PCBP3: variants seen among roughly 807,000 people sequenced by gnomAD.
PCBP3 encodes the protein poly(rC) binding protein 3.
In PCBP3, 25 loss-of-function variants were observed where a neutral mutation model predicts 52.7. That is an observed-to-expected ratio of 0.47 (90% CI 0.35 to 0.66). The LOEUF (loss-of-function observed/expected upper bound fraction) is 0.66. PCBP3 is among the 30% of genes least tolerant of loss of function. The pLI is 0.01. For synonymous variants in PCBP3, 162 were observed against 183.0 expected, an observed-to-expected ratio of 0.89 and a Z score of 0.93; for missense variants, 391 against 490.3, an observed-to-expected ratio of 0.80 and a Z score of 1.91.
chr21:45,886,411 G>C (rs899596340), intron 5 of PCBP3, among the ~76,000 whole-genome samples: 1 of 146,666 alleles, frequency 6.8e-6, no homozygotes. Context: ...GAGGTGTGGA[G>C]GCCTCATTGC....
At chr21:45,828,340 G>A (rs2093358426) in intron 4 of PCBP3, 1 of 152,204 alleles carries the variant, frequency 6.6e-6, no homozygotes, top group Non-Finnish European at 1.5e-5. Flanking sequence ...CAGGCTTAAT[G>A]CCCAGACTCT....
intron 5 of PCBP3, among the ~76,000 whole-genome samples, chr21:45,852,009 A>G (rs2094028492): frequency 6.6e-6 from 1 of 152,248 alleles, no homozygotes; most frequent in Non-Finnish European, 1.5e-5. Flanking sequence ...TTAAAGTTAG[A>G]CAGGAGGAGT....
At chr21:45,825,767 A>AG in intron 4 of PCBP3, among the ~76,000 whole-genome samples, 1 of 152,292 alleles carries the variant, frequency 6.6e-6, no homozygotes, top group Admixed American at 6.5e-5. Flanking sequence ...TCTCTCAGGC[A>AG]GGGCATCGAG....
At chr21:45,912,014 C>T (rs564109642) in intron 11 of PCBP3, among the ~76,000 whole-genome samples, 125 of 152,344 alleles carry the variant, frequency 8.2e-4, no homozygotes, top group African/African-American at 2.6e-3. Flanking sequence ...GCCAGTGACA[C>T]GAACAGTTCT....
chr21:45,842,705 G>C (rs910826103), intron 4 of PCBP3, among the ~76,000 whole-genome samples: 20 of 152,130 alleles, frequency 1.3e-4, no homozygotes, highest in African/African-American at 4.8e-4. Context: ...CATGGGGAAG[G>C]GATGTCTTGT....
intron 1 of PCBP3, among the ~76,000 whole-genome samples, chr21:45,654,726 A>G (rs2079905695): frequency 6.6e-6 from 1 of 152,220 alleles, no homozygotes; most frequent in South Asian, 2.1e-4. Context: ...GTGGGATATA[A>G]TTCACACACT....
intron 11 of PCBP3, 126 bp downstream of exon 11, chr21:45,911,156 G>A (rs746784055): frequency 1.8e-6 from 2 of 1,119,798 alleles, no homozygotes; most frequent in Non-Finnish European, 2.7e-6. Flanking sequence ...GGGGGCTCCT[G>A]ACCCCAAGTC....
chr21:45,860,941 A>G (rs1569346749), intron 5 of PCBP3, among the ~76,000 whole-genome samples: 1 of 152,286 alleles, frequency 6.6e-6, no homozygotes, highest in East Asian at 1.9e-4. Flanking sequence ...GGCTGCTGGC[A>G]GTGACCCCTC....
In PCBP3 at chr21:45,805,902, C is replaced by A. The variant is rs149312223; in HGVS notation, c.-125-44059C>A. ...GAGGGCGAGAGCAGAGCTGGGGGGG[C>A]GGGCCATGAGGGGAAGTCCAGGCCT... On this transcript the variant is annotated intron_variant, in intron 4 of 17. Coordinates refer to ENST00000681687, the MANE Select transcript of PCBP3 (RefSeq NM_001384156.1). This position sits in a 1 kb window ranked among gnomAD's most constrained non-coding sequence, Gnocchi z 4.6. 6.6e-6 allele frequency among the ~76,000 whole-genome samples: 1 copy of A among 152,028 alleles called. No homozygotes were observed. Among genetic ancestry groups the A allele is most frequent in the African/African-American group, 2.4e-5 (1 of 41,394 alleles).
At chr21:45,843,933 G>T (rs2093751080) in intron 4 of PCBP3, among the ~76,000 whole-genome samples, 1 of 152,026 alleles carries the variant, frequency 6.6e-6, no homozygotes, top group Non-Finnish European at 1.5e-5. Context: ...TTACTTTTGT[G>T]GGGTATACTT....
chr21:45,763,359 G>A (rs1044296923), intron 4 of PCBP3: 1 of 152,422 alleles, frequency 6.6e-6, no homozygotes, highest in Non-Finnish European at 1.5e-5. Flanking sequence ...TGCGTGCGGT[G>A]CTGGCACAGT....
chr21:45,717,388 G>A (rs2084297728), intron 2 of PCBP3, among the ~76,000 whole-genome samples: 1 of 152,046 alleles, frequency 6.6e-6, no homozygotes, highest in African/African-American at 2.4e-5. Context: ...TACTGGCAAG[G>A]GCAGGCATCC....
At chr21:45,856,775 C>G (rs77748231) in intron 5 of PCBP3, among the ~76,000 whole-genome samples, 1 of 152,172 alleles carries the variant, frequency 6.6e-6, no homozygotes, top group African/African-American at 2.4e-5. Context: ...GAACATGTAC[C>G]CAAGGCGGTC....
chr21:45,690,786 T>C (rs2082415623), intron 2 of PCBP3, among the ~76,000 whole-genome samples: 1 of 152,072 alleles, frequency 6.6e-6, no homozygotes, highest in Admixed American at 6.6e-5. Context: ...TCATTAGTCT[T>C]TAGGAAAATA....
Position 45,850,078 on chromosome 21 carries a change from G to C in PCBP3, c.-8G>C, listed in dbSNP as rs918290842. ...CTATGGATCTGCTCTAAACCTTATA[G>C]CCTGCTTATGGGGGAAGGTGAGTTA... On this transcript the variant is annotated 5_prime_UTR_variant, in exon 5 of 18. Coordinates refer to ENST00000681687, the MANE Select transcript of PCBP3 (RefSeq NM_001384156.1). The C allele has an allele frequency of 2.6e-6, 4 of 1,550,310 alleles. No individual in the cohort carries two copies. Among genetic ancestry groups the C allele is most frequent in the Non-Finnish European group, 2.6e-6 (3 of 1,145,852 alleles).
At chr21:45,796,579 A>G (rs1413016758) in intron 4 of PCBP3, among the ~76,000 whole-genome samples, 1 of 151,916 alleles carries the variant, frequency 6.6e-6, no homozygotes, top group African/African-American at 2.4e-5. Flanking sequence ...TTTCATCTTT[A>G]TTTTTGAAAT....
Position 45,741,216 on chromosome 21 carries a change from G to T in PCBP3, c.-162+5787G>T, listed in dbSNP as rs2086423696. Among the ~76,000 whole-genome samples, 2 of 152,204 alleles carry T rather than the reference G, an allele frequency of 1.3e-5. No individual in the cohort carries two copies. The highest frequency in any genetic ancestry group is 4.1e-4 in the South Asian group (2 of 4,828). ...TGGAGGGTGATGTCGGGATGAGTGG[G>T]TCTGCAGTGGTCGGCCCCATGGCTA... On this transcript the variant is annotated intron_variant, in intron 3 of 17. Coordinates refer to ENST00000681687, the MANE Select transcript of PCBP3 (RefSeq NM_001384156.1). The surrounding 1 kb of genome is among the most constrained non-coding windows in gnomAD (Gnocchi z 4.5).
rs1358304680 is a variant in PCBP3, at chr21:45,837,577, C to T, written c.-125-12384C>T. Among the ~76,000 whole-genome samples, 1 of 152,310 alleles carries T rather than the reference C, an allele frequency of 6.6e-6. No individual in the cohort carries two copies. Among genetic ancestry groups the T allele is most frequent in the Non-Finnish European group, 1.5e-5 (1 of 68,026 alleles). Reference sequence around the variant, plus strand: ...TGGGTTGTCTGCCTCTTGGGGGTAGCGGCTGTGTGGAATGCCTGCGTTCTG... The same window carrying T: ...TGGGTTGTCTGCCTCTTGGGGGTAGTGGCTGTGTGGAATGCCTGCGTTCTG... On this transcript the variant is annotated intron_variant, in intron 4 of 17. Transcript: ENST00000681687. This position sits in a 1 kb window ranked among gnomAD's most constrained non-coding sequence, Gnocchi z 4.1.
At chr21:45,855,586 A>G (rs1464031294) in intron 5 of PCBP3, among the ~76,000 whole-genome samples, 5 of 152,238 alleles carry the variant, frequency 3.3e-5, no homozygotes, top group Non-Finnish European at 7.3e-5. Context: ...TGCCTCCTAC[A>G]TCTGAGATAT....
Sources: allele counts gnomAD v4.1 joint callset (sites outside exome capture counted in the v4.1 genomes callset), GRCh38; gene constraint gnomAD v4.1.1; non-coding constraint Gnocchi (gnomAD v3.1); transcripts MANE v1.5; gene names NCBI Gene and HGNC (gene_info 2026-07-23, HGNC 2026-07-21).